AOAH: variants seen among roughly 807,000 people sequenced by gnomAD.
AOAH encodes acyloxyacyl hydrolase, also known as acyloxyacyl hydrolase (neutrophil).
AOAH carries 64 observed loss-of-function variants against 92.2 expected under a neutral mutation model. That is an observed-to-expected ratio of 0.69 (90% confidence interval 0.57 to 0.86). AOAH has a LOEUF of 0.86. AOAH is among the 40% of genes least tolerant of loss of function. AOAH has a pLI of 0.00. For missense variants in AOAH, 656 were observed against 694.6 expected (o/e 0.94, Z 0.62); for synonymous variants, 263 against 254.5 (o/e 1.03, Z -0.32).
chr7:36,530,485 T>C lies in AOAH; in HGVS notation c.1455A>G (p.Lys485=). The stretch of plus-strand genomic sequence containing the variant: ...TAAATTTCTCACTGGCTGCAATTTT[T>C]TTCAGTGTGTTGGAGAGTTGCTCTG... The part of the protein sequence containing the change: ...ERAEQLSNTL[K]KIAASEKFTN... Residue 485 remains lysine, a synonymous_variant, in exon 19 of 21, where the codon AAA becomes AAG. Coordinates refer to ENST00000617537, the MANE Select transcript of AOAH (RefSeq NM_001637.4). 6.2e-7 allele frequency: 1 copy of C among 1,613,770 alleles called. No individual in the cohort carries two copies. Among genetic ancestry groups the C allele is most frequent in the South Asian group, 1.1e-5 (1 of 91,076 alleles).
intron 20 of AOAH, among the ~76,000 whole-genome samples, chr7:36,520,333 A>C (rs1784045567): frequency 6.6e-6 from 1 of 152,200 alleles, no homozygotes; most frequent in Non-Finnish European, 1.5e-5. Flanking sequence ...ATCTTTTCAT[A>C]TACCCATTGT....
chr7:36,681,816 A>C (rs528475906), intron 2 of AOAH, among the ~76,000 whole-genome samples: 191 of 152,282 alleles, frequency 1.3e-3, no homozygotes, highest in African/African-American at 4.5e-3. Flanking sequence ...ATAAATAAAT[A>C]AATAAATAAG....
intron 20 of AOAH, chr7:36,514,436 C>A (rs1323610732): frequency 1.4e-6 from 2 of 1,447,146 alleles, no homozygotes; most frequent in Non-Finnish European, 1.9e-6. Flanking sequence ...TAATACACAG[C>A]AGGCTCGACT....
chr7:36,672,874 A>G (rs1342790395), intron 3 of AOAH, among the ~76,000 whole-genome samples: 1 of 152,054 alleles, frequency 6.6e-6, no homozygotes, highest in African/African-American at 2.4e-5. Context: ...TAAATTATAA[A>G]ATGTTTATAA....
chr7:36,567,102 G>A (rs1420848127), intron 13 of AOAH, among the ~76,000 whole-genome samples: 2 of 152,124 alleles, frequency 1.3e-5, no homozygotes, highest in Admixed American at 6.5e-5. Context: ...GTGAGCCACC[G>A]TGCCTGGCCA....
intron 8 of AOAH, among the ~76,000 whole-genome samples, chr7:36,621,290 T>C (rs1356607590): frequency 6.6e-6 from 1 of 152,230 alleles, no homozygotes; most frequent in Non-Finnish European, 1.5e-5. Context: ...ATATATGACA[T>C]GTTTTCCATT....
chr7:36,640,008 C>T (rs1251059094), intron 4 of AOAH, among the ~76,000 whole-genome samples: 3 of 152,178 alleles, frequency 2.0e-5, no homozygotes, highest in Non-Finnish European at 4.4e-5. Context: ...GCAAGTGCTG[C>T]AGCAGAGGCT....
At chr7:36,621,830 T>C in intron 7 of AOAH, 50 bp from the exon 8 acceptor site, 2 of 1,550,478 alleles carry the variant, frequency 1.3e-6, no homozygotes, top group Non-Finnish European at 8.9e-7. Flanking sequence ...TTTGATGTTA[T>C]CCACGAGGAA....
intron 13 of AOAH, among the ~76,000 whole-genome samples, chr7:36,570,382 G>A (rs571524250): frequency 1.3e-5 from 2 of 152,332 alleles, no homozygotes; most frequent in Admixed American, 1.3e-4. Context: ...CACTGTGTAT[G>A]CAGAGACCAC....
At chr7:36,601,000 C>T (rs1285221641) in intron 11 of AOAH, among the ~76,000 whole-genome samples, 1 of 151,786 alleles carries the variant, frequency 6.6e-6, no homozygotes, top group Non-Finnish European at 1.5e-5. Context: ...ACACCCTACT[C>T]TTCTGCACCC....
intron 1 of AOAH, among the ~76,000 whole-genome samples, chr7:36,715,903 A>C (rs1799130375): frequency 6.6e-6 from 1 of 152,214 alleles, no homozygotes; most frequent in Non-Finnish European, 1.5e-5. Context: ...ACCATTCAGG[A>C]CATAGGTGTG....
intron 13 of AOAH, among the ~76,000 whole-genome samples, chr7:36,562,479 A>C (rs138943724): frequency 1.3e-5 from 2 of 152,206 alleles, no homozygotes; most frequent in East Asian, 1.9e-4. Context: ...TGGAATAGGA[A>C]CATTTTATTT....
At chr7:36,561,861 G>A (rs1268184803) in intron 13 of AOAH, among the ~76,000 whole-genome samples, 1 of 152,116 alleles carries the variant, frequency 6.6e-6, no homozygotes, top group Admixed American at 6.5e-5. Flanking sequence ...TGCCACATGA[G>A]CATCCCTTCC....
chr7:36,685,476 A>G (rs1238409129), intron 2 of AOAH, among the ~76,000 whole-genome samples: 1 of 152,182 alleles, frequency 6.6e-6, no homozygotes, highest in Non-Finnish European at 1.5e-5. Context: ...TCTTTCAGTA[A>G]CGGATGAAGC....
rs1783739434 is a variant in AOAH at position 36,516,710 on chromosome 7, T to C, written c.1600-3330A>G. 6.6e-6 allele frequency among the ~76,000 whole-genome samples: 1 copy of C among 152,108 alleles called. No homozygotes were observed. Among genetic ancestry groups the C allele is most frequent in the Non-Finnish European group, 1.5e-5 (1 of 68,022 alleles). On this transcript the variant is annotated intron_variant, in intron 20 of 20. Coordinates refer to ENST00000617537, the MANE Select transcript of AOAH (RefSeq NM_001637.4). This position sits in a 1 kb window ranked among gnomAD's most constrained non-coding sequence, Gnocchi z 5.0. ...TGCCAGGTCTGTGGAAAATTACTGG[T>C]TCTTCTTTTTTGTGTTATTGGCTTT...
intron 13 of AOAH, among the ~76,000 whole-genome samples, chr7:36,557,337 T>G (rs1286073872): frequency 6.6e-6 from 1 of 152,206 alleles, no homozygotes; most frequent in East Asian, 1.9e-4. Flanking sequence ...GCTTGTAGAG[T>G]TTCTGCTGAG....
chr7:36,620,747 G>A (rs1429173199), intron 9 of AOAH, 34 bp downstream of exon 9: 1 of 1,607,932 alleles, frequency 6.2e-7, no homozygotes, highest in East Asian at 2.2e-5. Context: ...AGGAACAAAG[G>A]AGAATGGGGT....
chr7:36,517,644 A>G (rs1184650590), intron 20 of AOAH, among the ~76,000 whole-genome samples: 1 of 120,926 alleles, frequency 8.3e-6, no homozygotes, highest in Admixed American at 1.1e-4. Flanking sequence ...TCTATTACCT[A>G]GGCTGGAGTG....
intron 3 of AOAH, among the ~76,000 whole-genome samples, chr7:36,664,869 G>C (rs891280072): frequency 2.0e-5 from 3 of 152,180 alleles, no homozygotes; most frequent in Non-Finnish European, 2.9e-5. Flanking sequence ...TGAGTGGGAA[G>C]TATCACATGA....
Sources: allele counts gnomAD v4.1 joint callset (sites outside exome capture counted in the v4.1 genomes callset), GRCh38; gene constraint gnomAD v4.1.1; non-coding constraint Gnocchi (gnomAD v3.1); transcripts MANE v1.5; gene names NCBI Gene and HGNC (gene_info 2026-07-23, HGNC 2026-07-21).